Variants in PCDH7 observed in about 807,000 individuals in gnomAD.
PCDH7 encodes protocadherin 7.
PCDH7 carries 17 observed loss-of-function variants against 58.9 expected under a neutral mutation model. The observed-to-expected ratio is 0.29, with a 90% CI of 0.20 to 0.43. The LOEUF is 0.43. PCDH7 is among the 20% of genes least tolerant of loss of function. The pLI is 1.00. For missense variants in PCDH7, 1,274 were observed against 1,441.0 expected, an observed-to-expected ratio of 0.88 and a Z score of 1.88; for synonymous variants, 664 against 616.4, an observed-to-expected ratio of 1.08 and a Z score of -1.14.
At chr4:30,805,218 T>A (rs1159954934) in intron 1 of PCDH7, among the ~76,000 whole-genome samples, 1 of 152,148 alleles carries the variant, frequency 6.6e-6, no homozygotes, top group African/African-American at 2.4e-5. Context: ...CATCCCGGAC[T>A]TCTCCCTTGG....
At chr4:30,899,737 A>G (rs1283627069) in intron 1 of PCDH7, among the ~76,000 whole-genome samples, 1 of 151,492 alleles carries the variant, frequency 6.6e-6, no homozygotes, top group Non-Finnish European at 1.5e-5. Flanking sequence ...TTCATCTTTT[A>G]TCAATTCTTC....
chr4:30,921,111 T>G (rs1743135354), intron 2 of PCDH7, among the ~76,000 whole-genome samples: 1 of 152,206 alleles, frequency 6.6e-6, no homozygotes, highest in Non-Finnish European at 1.5e-5. Context: ...CACATTTGTT[T>G]ATATTCCCAG....
chr4:30,791,997 T>TGTC (rs1410780957), intron 1 of PCDH7, among the ~76,000 whole-genome samples: 1 of 152,212 alleles, frequency 6.6e-6, no homozygotes, highest in African/African-American at 2.4e-5. Context: ...ATATTTAATG[T>TGTC]GTCTATTATA....
At chr4:30,953,560 C>A (rs751372648) in intron 3 of PCDH7, among the ~76,000 whole-genome samples, 5 of 150,708 alleles carry the variant, frequency 3.3e-5, no homozygotes, top group Admixed American at 2.0e-4. Context: ...CATTTGAACA[C>A]CTTCAAGGAA....
rs533542142 is a variant in PCDH7, at chr4:30,849,957, A to G, written c.71-70196A>G. Among the ~76,000 whole-genome samples, 4 of 152,224 alleles carry G rather than the reference A, an allele frequency of 2.6e-5. No homozygotes were observed. The South Asian group carries it at 8.3e-4, about 32-fold the overall frequency. On this transcript the variant is annotated intron_variant, in intron 1 of 3. Coordinates refer to the PCDH7 transcript ENST00000509759. Reference sequence around the variant, plus strand: ...CAGGACCCCAATCTTTGTTTATAACATTACTTTGCCTATAGCATAATTTTC... The same window carrying G: ...CAGGACCCCAATCTTTGTTTATAACGTTACTTTGCCTATAGCATAATTTTC...
At position 31,015,347 on chromosome 4, in the gene PCDH7, A is replaced by G. The variant is rs1046323078; in HGVS notation, c.*7+65132A>G. On this transcript the variant is annotated intron_variant, in intron 3 of 3. Coordinates refer to the PCDH7 transcript ENST00000509759. Reference sequence around the variant, plus strand: ...ACAGTTGTAGAATACATCCTTACAGAGGTGTACTGTGAAATCCCACGTGAT... The same window carrying G: ...ACAGTTGTAGAATACATCCTTACAGGGGTGTACTGTGAAATCCCACGTGAT... Among the ~76,000 whole-genome samples the G allele has an allele frequency of 3.9e-5, 6 of 152,304 alleles. No homozygotes were observed. In the East Asian group the frequency reaches 1.2e-3, roughly 29 times the overall value.
At chr4:30,873,474 T>C (rs528720311) in intron 1 of PCDH7, among the ~76,000 whole-genome samples, 11 of 152,254 alleles carry the variant, frequency 7.2e-5, no homozygotes, top group African/African-American at 2.2e-4. Flanking sequence ...CAAATTTAAT[T>C]TGAGATCTAT....
At chr4:31,091,975 G>T (rs1211091230) in intron 3 of PCDH7, among the ~76,000 whole-genome samples, 2 of 151,856 alleles carry the variant, frequency 1.3e-5, no homozygotes, top group Non-Finnish European at 2.9e-5. Flanking sequence ...TTCCATTCTG[G>T]TGGTCGTCTG....
At chr4:31,001,005 T>C (rs1364399654) in intron 3 of PCDH7, among the ~76,000 whole-genome samples, 1 of 101,328 alleles carries the variant, frequency 9.9e-6, no homozygotes, top group Non-Finnish European at 1.6e-5. Context: ...AAACTAGGAA[T>C]GTAAGTGGCG....
chr4:30,904,831 T>C (rs189171898), intron 1 of PCDH7, among the ~76,000 whole-genome samples: 25 of 152,278 alleles, frequency 1.6e-4, no homozygotes, highest in Admixed American at 3.3e-4. Flanking sequence ...GGTGCCAAAG[T>C]CAGGTTTCAG....
At position 30,721,142 on chromosome 4, in the gene PCDH7, G is replaced by C; in HGVS notation, c.-281G>C. The stretch of plus-strand genomic sequence containing the variant: ...TGAACTGTGAGTACTGCGACTGAAC[G>C]GCGGCAGGCGAGCGGGCGATTAGCA... On this transcript the variant is annotated 5_prime_UTR_variant, in exon 1 of 2. Coordinates refer to ENST00000361762, the Ensembl canonical transcript of PCDH7. The surrounding 1 kb of genome is among the most constrained non-coding windows in gnomAD (Gnocchi z 6.7). The C allele has an allele frequency of 2.2e-6, 1 of 444,694 alleles. No individual in the cohort carries two copies. The highest frequency in any genetic ancestry group is 4.0e-6 in the Non-Finnish European group (1 of 251,048). 27.5% of individuals were successfully genotyped at this position (444,694 alleles called of 1,614,324 possible).
At chr4:30,775,182 G>T (rs1258801711) in intron 1 of PCDH7, among the ~76,000 whole-genome samples, 1 of 152,144 alleles carries the variant, frequency 6.6e-6, no homozygotes, top group Non-Finnish European at 1.5e-5. Context: ...AGAGAATTGG[G>T]TTTCAGATTG....
At chr4:31,056,474 A>AAAGAAGGAAAGAAAGAAAGT (rs1757212545) in intron 3 of PCDH7, among the ~76,000 whole-genome samples, 1 of 138,840 alleles carries the variant, frequency 7.2e-6, no homozygotes, top group Non-Finnish European at 1.6e-5. Context: ...AGAAAGAAAG[A>AAAGAAGGAAAGAAAGAAAGT]AAGAAAGAAA....
At chr4:30,910,849 A>G (rs2109404711) in intron 1 of PCDH7, among the ~76,000 whole-genome samples, 1 of 152,322 alleles carries the variant, frequency 6.6e-6, no homozygotes, top group East Asian at 1.9e-4. Flanking sequence ...CTATAAAGAC[A>G]CATGCACACG....
rs1202767511 is a variant in PCDH7 at position 30,950,800 on chromosome 4, G to T, written c.*7+585G>T. On this transcript the variant is annotated intron_variant, in intron 3 of 3. Coordinates refer to the PCDH7 transcript ENST00000509759. Reference sequence around the variant, plus strand: ...ACTTTCTTTCGTCAACTCAGCTGGTGGCATTTGAGGGAGACAGAGGGGACT... The same window carrying T: ...ACTTTCTTTCGTCAACTCAGCTGGTTGCATTTGAGGGAGACAGAGGGGACT... Among the ~76,000 whole-genome samples, 3 of 152,258 alleles carry T rather than the reference G, an allele frequency of 2.0e-5. No homozygotes were observed. The East Asian group carries it at 5.8e-4, about 29-fold the overall frequency.
intron 3 of PCDH7, among the ~76,000 whole-genome samples, chr4:31,137,461 G>T (rs548120647): frequency 1.3e-5 from 2 of 152,300 alleles, no homozygotes; most frequent in East Asian, 3.9e-4. Context: ...GTGCATGCCT[G>T]TAGTGCCAGC....
chr4:31,027,722 G>A (rs1754553849), intron 3 of PCDH7, among the ~76,000 whole-genome samples: 1 of 152,080 alleles, frequency 6.6e-6, no homozygotes. Flanking sequence ...CACCCAGCCT[G>A]TATTTCATTT....
intron 3 of PCDH7, among the ~76,000 whole-genome samples, chr4:31,082,381 A>G (rs557451709): frequency 5.9e-5 from 9 of 152,296 alleles, no homozygotes; most frequent in African/African-American, 2.2e-4. Flanking sequence ...TTTCCCCAAC[A>G]TAAAATGTGA....
chr4:30,985,854 A>G (rs890008571), intron 3 of PCDH7, among the ~76,000 whole-genome samples: 2 of 152,194 alleles, frequency 1.3e-5, no homozygotes, highest in African/African-American at 4.8e-5. Flanking sequence ...TGAGCTAGAT[A>G]ATTTTAAATA....
Sources: gnomAD v4.1 joint callset for allele counts (sites outside exome capture counted in the v4.1 genomes callset) on GRCh38, gnomAD v4.1.1 for gene constraint, Gnocchi (gnomAD v3.1) non-coding constraint, MANE v1.5 for transcripts, NCBI Gene and HGNC (gene_info 2026-07-23, HGNC 2026-07-21) for gene names.